TENM3: variants seen among roughly 807,000 people sequenced by gnomAD.
TENM3 encodes the protein teneurin transmembrane protein 3, also known as teneurin-3.
TENM3 carries 63 observed loss-of-function variants against 255.1 expected under a neutral mutation model. The observed-to-expected ratio is 0.25, with a 90% CI of 0.20 to 0.30. The LOEUF is 0.30. Ranked by LOEUF, TENM3 falls within the 10% of genes least tolerant of loss-of-function variation. The pLI is 1.00. For missense variants in TENM3, 2,929 were observed against 3,461.1 expected, an observed-to-expected ratio of 0.85 and a Z score of 3.86; for synonymous variants, 1,306 against 1,322.3, an observed-to-expected ratio of 0.99 and a Z score of 0.27.
intron 3 of TENM3, among the ~76,000 whole-genome samples, chr4:182,395,018 A>G (rs1226720197): frequency 1.3e-5 from 2 of 152,314 alleles, no homozygotes; most frequent in East Asian, 1.9e-4. Flanking sequence ...GTGGCAGATC[A>G]TTCAATATAT....
At chr4:181,825,204 C>A in the TENM3 span, among the ~76,000 whole-genome samples, 1 of 152,050 alleles carries the variant, frequency 6.6e-6, no homozygotes, top group Non-Finnish European at 1.5e-5. Context: ...AGACCAAGAC[C>A]ATCCTGGACA....
chr4:181,959,691 A>C, the TENM3 span, among the ~76,000 whole-genome samples: 1 of 152,300 alleles, frequency 6.6e-6, no homozygotes, highest in South Asian at 2.1e-4. Flanking sequence ...TGAAAGAAAA[A>C]AACATTAATT....
At chr4:181,951,157 C>T in the TENM3 span, among the ~76,000 whole-genome samples, 1 of 152,196 alleles carries the variant, frequency 6.6e-6, no homozygotes, top group African/African-American at 2.4e-5. Context: ...TAATTTCCCA[C>T]ATTGGATGCT....
At chr4:182,433,941 C>A (rs968925188) in intron 3 of TENM3, among the ~76,000 whole-genome samples, 3 of 151,942 alleles carry the variant, frequency 2.0e-5, no homozygotes, top group African/African-American at 7.3e-5. Flanking sequence ...ATAGTGGGAA[C>A]CCACCTCTAC....
At chr4:181,541,936 G>C in the TENM3 span, among the ~76,000 whole-genome samples, 2 of 152,210 alleles carry the variant, frequency 1.3e-5, no homozygotes, top group African/African-American at 4.8e-5. Flanking sequence ...GAAATTGGAA[G>C]TTGTGTCAAA....
chr4:182,459,030 C>T (rs558096714), intron 3 of TENM3, among the ~76,000 whole-genome samples: 3 of 152,130 alleles, frequency 2.0e-5, no homozygotes, highest in African/African-American at 4.8e-5. Flanking sequence ...TTTGAAATTG[C>T]GTTTATTTCC....
chr4:182,193,977 C>T (rs1284704200), intron 1 of TENM3, among the ~76,000 whole-genome samples: 3 of 152,264 alleles, frequency 2.0e-5, no homozygotes, highest in Admixed American at 6.5e-5. Context: ...CATCAAATGG[C>T]GTCCACAACT....
At chr4:182,462,855 C>T (rs1182464091) in intron 3 of TENM3, among the ~76,000 whole-genome samples, 1 of 151,442 alleles carries the variant, frequency 6.6e-6, no homozygotes, top group Non-Finnish European at 1.5e-5. Flanking sequence ...CCACCGCACT[C>T]CAGCCTGAGT....
At chr4:182,396,629 T>C (rs560378817) in intron 3 of TENM3, among the ~76,000 whole-genome samples, 12 of 152,318 alleles carry the variant, frequency 7.9e-5, no homozygotes, top group African/African-American at 2.9e-4. Context: ...GTCTATGACT[T>C]CTTTTGAATC....
chr4:182,661,543 A>G (rs12498348), intron 6 of TENM3, among the ~76,000 whole-genome samples: 37,130 of 152,020 alleles, frequency 0.24, 4,815 homozygotes, highest in Admixed American at 0.39. Context: ...TAGATGCTAT[A>G]TTGATTTTGT....
At chr4:182,168,372 C>T (rs1751863121) in intron 1 of TENM3, among the ~76,000 whole-genome samples, 2 of 152,136 alleles carry the variant, frequency 1.3e-5, no homozygotes, top group Admixed American at 1.3e-4. Flanking sequence ...TGGGCTCAAG[C>T]AATCCTCTTG....
intron 3 of TENM3, among the ~76,000 whole-genome samples, chr4:182,459,415 C>A (rs1430907673): frequency 2.0e-5 from 3 of 151,794 alleles, no homozygotes; most frequent in Non-Finnish European, 1.5e-5. Context: ...AAGGGCTGAA[C>A]CAGAATGGTG....
chr4:182,729,807 A>G (rs990799352), intron 14 of TENM3, among the ~76,000 whole-genome samples: 9 of 152,314 alleles, frequency 5.9e-5, no homozygotes, highest in African/African-American at 2.2e-4. Context: ...CTTAAATCTT[A>G]TACTTCTTGG....
chr4:182,573,149 G>A (rs1744576887), intron 3 of TENM3, among the ~76,000 whole-genome samples: 1 of 152,052 alleles, frequency 6.6e-6, no homozygotes, highest in Non-Finnish European at 1.5e-5. Context: ...TGAGACTCGG[G>A]GATTTAAAAT....
the TENM3 span, among the ~76,000 whole-genome samples, chr4:181,609,821 A>G: frequency 6.6e-6 from 1 of 152,214 alleles, no homozygotes; most frequent in African/African-American, 2.4e-5. Flanking sequence ...TAACAAATGT[A>G]TGAGGCGCTG....
chr4:181,666,575 A>G, the TENM3 span, among the ~76,000 whole-genome samples: 20,544 of 152,172 alleles, frequency 0.14, 2,053 homozygotes, highest in African/African-American at 0.29. Flanking sequence ...TCTCTGAATC[A>G]ATTTCTATGT....
chr4:181,944,736 CT>C, the TENM3 span, among the ~76,000 whole-genome samples: 4 of 152,050 alleles, frequency 2.6e-5, no homozygotes, highest in Non-Finnish European at 5.9e-5. Flanking sequence ...GTGTGAACAG[CT>C]GCTTGCCTTG....
the TENM3 span, among the ~76,000 whole-genome samples, chr4:181,628,955 T>A: frequency 1.3e-5 from 2 of 152,212 alleles, no homozygotes; most frequent in African/African-American, 4.8e-5. Context: ...TATTGATTCT[T>A]CCTACCCATG....
At chr4:181,979,963 T>C in the TENM3 span, among the ~76,000 whole-genome samples, 1 of 152,208 alleles carries the variant, frequency 6.6e-6, no homozygotes, top group Non-Finnish European at 1.5e-5. Context: ...TTATAACCTG[T>C]GAGTCACACT....
Sources: gnomAD v4.1 joint callset for allele counts (sites outside exome capture counted in the v4.1 genomes callset) on GRCh38, gnomAD v4.1.1 for gene constraint, MANE v1.5 for transcripts, NCBI Gene and HGNC (gene_info 2026-07-23, HGNC 2026-07-21) for gene names.